The following ANO4 variants were observed in gnomAD, a reference collection of about 807,000 sequenced individuals.
ANO4 encodes the protein anoctamin-4.
A neutral mutation model predicts 141.9 loss-of-function variants in ANO4; 69 were observed. The observed-to-expected ratio is 0.49, with a 90% CI of 0.40 to 0.59. The LOEUF is 0.59. Ranked by LOEUF, ANO4 falls within the 20% of genes least tolerant of loss-of-function variation. The pLI is 0.00. For synonymous variants in ANO4, 350 were observed against 394.3 expected (o/e 0.89, Z 1.33); for missense variants, 894 against 1,162.2 (o/e 0.77, Z 3.36).
intron 25 of ANO4, among the ~76,000 whole-genome samples, chr12:101,117,612 A>G (rs113068819): frequency 2.0e-5 from 3 of 152,236 alleles, no homozygotes; most frequent in Admixed American, 2.0e-4. Flanking sequence ...GAGGAGGCCA[A>G]GTTGGGAGGA....
chr12:100,723,483 A>G (rs1318571814), intron 1 of ANO4, among the ~76,000 whole-genome samples: 2 of 152,160 alleles, frequency 1.3e-5, no homozygotes, highest in African/African-American at 4.8e-5. Flanking sequence ...AACTAATCCC[A>G]TCACCGGGGG....
At chr12:100,850,010 A>T (rs1285097228) in intron 1 of ANO4, among the ~76,000 whole-genome samples, 1 of 152,172 alleles carries the variant, frequency 6.6e-6, no homozygotes, top group Non-Finnish European at 1.5e-5. Context: ...AGATGAGTTG[A>T]AAGTATTTGA....
chr12:101,100,182 A>G (rs937539295), intron 22 of ANO4, among the ~76,000 whole-genome samples: 7 of 152,156 alleles, frequency 4.6e-5, no homozygotes, highest in Non-Finnish European at 7.4e-5. Flanking sequence ...TACTTATATC[A>G]TTATTATTCT....
intron 22 of ANO4, 26 bp downstream of exon 22, chr12:101,099,746 A>G: frequency 2.7e-6 from 4 of 1,501,608 alleles, no homozygotes; most frequent in Non-Finnish European, 3.5e-6. Context: ...ACTTTATCTT[A>G]TTAATTATAA....
At chr12:100,824,696 T>C (rs989830744) in intron 1 of ANO4, among the ~76,000 whole-genome samples, 1 of 151,968 alleles carries the variant, frequency 6.6e-6, no homozygotes, top group Non-Finnish European at 1.5e-5. Flanking sequence ...TGGCAGCCAG[T>C]GGGGAAGATC....
At chr12:100,730,963 C>A (rs1444783949) in intron 1 of ANO4, among the ~76,000 whole-genome samples, 1 of 152,124 alleles carries the variant, frequency 6.6e-6, no homozygotes, top group African/African-American at 2.4e-5. Context: ...GCTTTCAAAC[C>A]AAGGGCACCT....
chr12:100,784,926 CTATTT>C (rs988098268), intron 3 of ANO4, among the ~76,000 whole-genome samples: 2 of 89,606 alleles, frequency 2.2e-5, no homozygotes, highest in Non-Finnish European at 4.7e-5. Flanking sequence ...AATCCTCTCA[CTATTT>C]TTTTTTTCAT....
chr12:100,998,997 T>C (rs1328208123), intron 8 of ANO4, among the ~76,000 whole-genome samples: 1 of 152,210 alleles, frequency 6.6e-6, no homozygotes, highest in East Asian at 1.9e-4. Flanking sequence ...AAGGGTTAAG[T>C]AACTTATCCA....
intron 3 of ANO4, among the ~76,000 whole-genome samples, chr12:100,748,633 T>C (rs1166756381): frequency 6.6e-6 from 1 of 152,250 alleles, no homozygotes; most frequent in African/African-American, 2.4e-5. Context: ...CAATTTCTTT[T>C]AATTGATGTC....
At chr12:100,933,797 C>T (rs1041513708) in intron 3 of ANO4, among the ~76,000 whole-genome samples, 1 of 152,062 alleles carries the variant, frequency 6.6e-6, no homozygotes, top group African/African-American at 2.4e-5. Flanking sequence ...GCCATTCTAA[C>T]TGGCGTGAGA....
chr12:100,897,010 T>C lies in ANO4; in HGVS notation c.-140-4636T>C, dbSNP rs528038459. On this transcript the variant is annotated intron_variant, in intron 1 of 27. Transcript: ENST00000392977. ...GAGGCAAAAATTTAAATAAATGCAT[T>C]AAGTAACATAGGTGGTAAATGGTGT... Among the ~76,000 whole-genome samples the C allele has an allele frequency of 3.9e-5, 6 of 152,278 alleles. No homozygotes were observed. The East Asian group carries it at 1.2e-3, about 29-fold the overall frequency.
intron 3 of ANO4, among the ~76,000 whole-genome samples, chr12:100,786,381 G>T (rs1441819430): frequency 6.6e-6 from 1 of 152,106 alleles, no homozygotes; most frequent in Non-Finnish European, 1.5e-5. Context: ...TCCTCAAGCT[G>T]GTGTGAAGGG....
chr12:100,753,027 G>C (rs1332806388), intron 3 of ANO4, among the ~76,000 whole-genome samples: 1 of 152,086 alleles, frequency 6.6e-6, no homozygotes, highest in Non-Finnish European at 1.5e-5. Context: ...TGACTCAGCT[G>C]TGCTCCATAA....
intron 9 of ANO4, among the ~76,000 whole-genome samples, chr12:101,021,253 C>T (rs751021374): frequency 6.6e-6 from 1 of 152,212 alleles, no homozygotes. Context: ...CAGCACTACT[C>T]TGTGAAGCCC....
At chr12:101,106,625 A>G (rs567902318) in intron 22 of ANO4, among the ~76,000 whole-genome samples, 1 of 149,774 alleles carries the variant, frequency 6.7e-6, no homozygotes, top group African/African-American at 2.4e-5. Context: ...TGCAAAACTC[A>G]TGTCAGCAAT....
At chr12:100,804,651 G>A (rs963990388) in intron 1 of ANO4, among the ~76,000 whole-genome samples, 1 of 152,156 alleles carries the variant, frequency 6.6e-6, no homozygotes, top group Admixed American at 6.5e-5. Flanking sequence ...CTTCTGACTG[G>A]CGTGAGATGG....
intron 1 of ANO4, among the ~76,000 whole-genome samples, chr12:100,894,652 A>G (rs558740663): frequency 1.4e-4 from 22 of 152,176 alleles, no homozygotes; most frequent in African/African-American, 5.3e-4. Flanking sequence ...GTATCAGTCT[A>G]TTTTATAAAC....
At chr12:100,851,981 G>A (rs942959285) in intron 1 of ANO4, among the ~76,000 whole-genome samples, 24 of 152,240 alleles carry the variant, frequency 1.6e-4, no homozygotes, top group Non-Finnish European at 2.9e-4. Context: ...AGAATAGGCC[G>A]GGGGCAGGAG....
chr12:100,906,540 A>C lies in ANO4; in HGVS notation c.55+4700A>C, dbSNP rs570548042. On this transcript the variant is annotated intron_variant, in intron 2 of 27. Transcript: ENST00000392977. Reference sequence around the variant, plus strand: ...AAGGTTTAGGCCAAGGTACAAAACAAGGGACTATAAAGGGTAGAAGGCAAG... The same window carrying C: ...AAGGTTTAGGCCAAGGTACAAAACACGGGACTATAAAGGGTAGAAGGCAAG... 2.6e-5 allele frequency among the ~76,000 whole-genome samples: 4 copies of C among 152,310 alleles called. No individual in the cohort carries two copies. In the East Asian group the frequency reaches 7.7e-4, roughly 29 times the overall value.
Sources: allele counts gnomAD v4.1 joint callset (sites outside exome capture counted in the v4.1 genomes callset), GRCh38; gene constraint gnomAD v4.1.1; transcripts MANE v1.5; gene names NCBI Gene and HGNC (gene_info 2026-07-23, HGNC 2026-07-21).